The following FAR2 variants were observed in gnomAD, a reference collection of about 807,000 sequenced individuals.
FAR2 encodes the protein fatty acyl-CoA reductase 2, also known as epididymis secretory protein Li 81.
Under a neutral mutation model 56.0 loss-of-function variants are expected in FAR2, and 19 were observed. The observed-to-expected ratio is 0.34, with a 90% confidence interval of 0.24 to 0.50. FAR2 has a LOEUF of 0.50. FAR2 is among the 20% of genes least tolerant of loss of function. The pLI is 0.98. For missense variants in FAR2, 508 were observed against 642.2 expected, an observed-to-expected ratio of 0.79 and a Z score of 2.26; for synonymous variants, 219 against 218.8, an observed-to-expected ratio of 1.00 and a Z score of -0.01.
At chr12:29,184,422 C>CTTTTTTT (rs71042961) in intron 1 of FAR2, among the ~76,000 whole-genome samples, 5 of 59,716 alleles carry the variant, frequency 8.4e-5, no homozygotes, top group Non-Finnish European at 1.2e-4. Context: ...AATCTAGCAT[C>CTTTTTTT]TTTTTTTTTT....
intron 1 of FAR2, among the ~76,000 whole-genome samples, chr12:29,259,855 G>C (rs1467008349): frequency 2.0e-5 from 3 of 152,054 alleles, no homozygotes; most frequent in Non-Finnish European, 4.4e-5. Context: ...TAGGATGCTT[G>C]GGTGTGTTAG....
chr12:29,266,295 G>A (rs1253039447), intron 1 of FAR2, among the ~76,000 whole-genome samples: 1 of 152,018 alleles, frequency 6.6e-6, no homozygotes, highest in Non-Finnish European at 1.5e-5. Context: ...AAGAAAATGT[G>A]GTAAATATAC....
intron 1 of FAR2, among the ~76,000 whole-genome samples, chr12:29,253,688 CAT>C (rs1304225730): frequency 1.3e-5 from 2 of 152,088 alleles, no homozygotes; most frequent in Non-Finnish European, 2.9e-5. Flanking sequence ...AAATAAAAAG[CAT>C]CAAAATTTAC....
Position 29,321,907 on chromosome 12 carries a change from A to C in FAR2, c.1240A>C (p.Ser414Arg). ...TACAGAAATGCTGATGTCTGAGCTG[A>C]GTCCTGAAGACCAGAGAGTAAGTAG... ...YNTEMLMSEL[S>R]PEDQRVFNFD... Residue 414 changes from serine (S) to arginine (R), a missense_variant, in exon 10 of 12, where the codon AGT (serine) becomes CGT (arginine). By Grantham distance (110) the Ser-to-Arg change is moderately radical (BLOSUM62 -1). Transcript: ENST00000536681. 2 of 1,613,236 alleles carry C rather than the reference A, an allele frequency of 1.2e-6. No individual in the cohort carries two copies. Among genetic ancestry groups the C allele is most frequent in the East Asian group, 2.2e-5 (1 of 44,798 alleles).
At chr12:29,251,683 A>G (rs1948213677) in intron 1 of FAR2, among the ~76,000 whole-genome samples, 1 of 152,320 alleles carries the variant, frequency 6.6e-6, no homozygotes, top group Admixed American at 6.5e-5. Context: ...GGAAAGGCTA[A>G]GAAGAAACAA....
intron 2 of FAR2, among the ~76,000 whole-genome samples, chr12:29,278,158 T>C (rs1237768555): frequency 9.2e-5 from 14 of 151,994 alleles, no homozygotes; most frequent in Admixed American, 2.0e-4. Flanking sequence ...CTTGAACTTG[T>C]GGCCTCAAAC....
At chr12:29,229,798 G>A (rs1041057603) in intron 1 of FAR2, among the ~76,000 whole-genome samples, 27 of 152,058 alleles carry the variant, frequency 1.8e-4, no homozygotes, top group African/African-American at 6.5e-4. Flanking sequence ...TATATGGAAA[G>A]GGCTTAAATG....
At chr12:29,261,990 C>T (rs1473656994) in intron 1 of FAR2, among the ~76,000 whole-genome samples, 1 of 152,178 alleles carries the variant, frequency 6.6e-6, no homozygotes, top group Non-Finnish European at 1.5e-5. Flanking sequence ...ACTGAAAGCT[C>T]ACTGGTAATA....
chr12:29,286,280 T>C (rs1045001915), intron 2 of FAR2, among the ~76,000 whole-genome samples: 1 of 152,164 alleles, frequency 6.6e-6, no homozygotes, highest in Admixed American at 6.5e-5. Context: ...ACAGATGAGA[T>C]ACAGTTGTCA....
At chr12:29,288,547 T>C (rs1948910514) in intron 2 of FAR2, among the ~76,000 whole-genome samples, 1 of 152,160 alleles carries the variant, frequency 6.6e-6, no homozygotes, top group South Asian at 2.1e-4. Context: ...AAATTTTTTT[T>C]AGAAGAGCTG....
intron 1 of FAR2, among the ~76,000 whole-genome samples, chr12:29,245,084 G>C (rs536086426): frequency 6.6e-6 from 1 of 151,826 alleles, no homozygotes; most frequent in Admixed American, 6.6e-5. Context: ...GGGTTCAAGC[G>C]ATTTTCCTGC....
intron 1 of FAR2, among the ~76,000 whole-genome samples, chr12:29,259,327 G>C (rs556354761): frequency 6.6e-6 from 1 of 152,276 alleles, no homozygotes. Flanking sequence ...AACAGAGAAT[G>C]ATCTGGCCCA....
chr12:29,151,107 G>A (rs911751849), intron 1 of FAR2, among the ~76,000 whole-genome samples: 1 of 152,152 alleles, frequency 6.6e-6, no homozygotes, highest in African/African-American at 2.4e-5. Context: ...ATTCTTGAGT[G>A]CATTTGTTTC....
intron 1 of FAR2, among the ~76,000 whole-genome samples, chr12:29,227,612 T>C (rs1472317780): frequency 1.3e-5 from 2 of 152,180 alleles, no homozygotes; most frequent in Non-Finnish European, 1.5e-5. Context: ...TACACAGGAA[T>C]ATAACAACTG....
chr12:29,182,597 C>G (rs540226839), intron 1 of FAR2, among the ~76,000 whole-genome samples: 4 of 152,322 alleles, frequency 2.6e-5, no homozygotes, highest in Non-Finnish European at 5.9e-5. Context: ...CCACCCAACC[C>G]AGAAGTCCAG....
chr12:29,202,715 C>T (rs112256931), intron 1 of FAR2, among the ~76,000 whole-genome samples: 2 of 152,134 alleles, frequency 1.3e-5, no homozygotes, highest in African/African-American at 4.8e-5. Context: ...AGCCTGGAAC[C>T]TCCTTCCCTC....
intron 10 of FAR2, among the ~76,000 whole-genome samples, chr12:29,326,288 A>G (rs10771517): frequency 0.62 from 94,071 of 150,518 alleles, 30,493 homozygotes; most frequent in African/African-American, 0.82. Flanking sequence ...AAAGTCCAGG[A>G]CCAGATGGAT....
At chr12:29,154,635 G>A (rs918823908) in intron 1 of FAR2, among the ~76,000 whole-genome samples, 2 of 151,926 alleles carry the variant, frequency 1.3e-5, no homozygotes, top group African/African-American at 2.4e-5. Flanking sequence ...GGGTTTCACC[G>A]TGTTAGCCAG....
Position 29,189,879 on chromosome 12 carries a change from G to A in FAR2, c.-39+40472G>A, listed in dbSNP as rs116551700. 4.1e-3 allele frequency among the ~76,000 whole-genome samples: 620 copies of A among 152,272 alleles called. 9 individuals carry two copies. The highest frequency in any genetic ancestry group is 0.014 in the African/African-American group (576 of 41,566). On this transcript the variant is annotated intron_variant, in intron 1 of 11. Transcript: ENST00000536681. ...CAAGAGATGATATAGGTTTGAATTAGGATGGTAACAAACAACAAGGAGGAG... is the reference window on the plus strand; with the variant it reads ...CAAGAGATGATATAGGTTTGAATTAAGATGGTAACAAACAACAAGGAGGAG...
Sources: allele counts gnomAD v4.1 joint callset (sites outside exome capture counted in the v4.1 genomes callset), GRCh38; gene constraint gnomAD v4.1.1; transcripts MANE v1.5; gene names NCBI Gene and HGNC (gene_info 2026-07-23, HGNC 2026-07-21).